Variants in PKNOX2 observed in about 807,000 individuals in gnomAD.
PKNOX2 encodes PBX/knotted 1 homeobox 2.
In PKNOX2, 14 loss-of-function variants were observed where a neutral mutation model predicts 53.1. That is an observed-to-expected ratio of 0.26 (90% CI 0.17 to 0.41). PKNOX2 has a LOEUF of 0.41. Ranked by LOEUF, PKNOX2 falls within the 10% of genes least tolerant of loss-of-function variation. PKNOX2 has a pLI of 1.00. For synonymous variants in PKNOX2, 257 were observed against 242.8 expected (o/e 1.06, Z -0.54); for missense variants, 496 against 602.8 (o/e 0.82, Z 1.85).
intron 10 of PKNOX2, among the ~76,000 whole-genome samples, chr11:125,413,365 C>T (rs1017613735): frequency 3.3e-5 from 5 of 152,310 alleles, no homozygotes; most frequent in East Asian, 1.9e-4. Context: ...TCCTGCCTTT[C>T]AGGTTTTCCA....
chr11:125,288,907 AAC>A (rs1156812111), intron 2 of PKNOX2, among the ~76,000 whole-genome samples: 1 of 152,178 alleles, frequency 6.6e-6, no homozygotes, highest in African/African-American at 2.4e-5. Context: ...TTTGTTGTGA[AAC>A]ACACACACGC....
chr11:125,253,193 A>G (rs1338138627), intron 2 of PKNOX2, among the ~76,000 whole-genome samples: 1 of 152,214 alleles, frequency 6.6e-6, no homozygotes, highest in Non-Finnish European at 1.5e-5. Flanking sequence ...AAATCTTAAT[A>G]AAACTTTTTC....
chr11:125,267,073 C>T (rs963888802), intron 2 of PKNOX2, among the ~76,000 whole-genome samples: 10 of 152,220 alleles, frequency 6.6e-5, no homozygotes, highest in Non-Finnish European at 8.8e-5. Flanking sequence ...TGTCTGTTTC[C>T]GTCACCAGCC....
At chr11:125,344,451 C>G (rs1950868754) in intron 3 of PKNOX2, among the ~76,000 whole-genome samples, 1 of 152,174 alleles carries the variant, frequency 6.6e-6, no homozygotes, top group Non-Finnish European at 1.5e-5. Flanking sequence ...AGCATTCACT[C>G]CATGTGGCAT....
intron 1 of PKNOX2, among the ~76,000 whole-genome samples, chr11:125,233,322 T>C (rs150821887): frequency 6.0e-4 from 92 of 152,328 alleles, no homozygotes; most frequent in African/African-American, 1.9e-3. Flanking sequence ...TACAGCTCCA[T>C]GTAATTTAAT....
rs544094608 is a variant in PKNOX2, at chr11:125,411,339, C to T, written c.817-407C>T. 14 of 351,252 alleles carry T rather than the reference C, an allele frequency of 4.0e-5. No individual in the cohort carries two copies. The East Asian group carries it at 5.7e-4, about 14-fold the overall frequency. The allele number at this position is 351,252 out of a possible 1,614,324, so 21.8% of individuals were successfully genotyped here. ...GGGCTGCTGTGAGAATGAACCACAG[C>T]GATGGATAGGAAAGTGCTTTGCAAA... On this transcript the variant is annotated intron_variant, in intron 9 of 12. Transcript: ENST00000298282.
intron 2 of PKNOX2, among the ~76,000 whole-genome samples, chr11:125,262,649 T>A (rs1944955545): frequency 6.6e-6 from 1 of 151,218 alleles, no homozygotes; most frequent in Admixed American, 6.6e-5. Context: ...CCACAGGCTT[T>A]GTCTGTGCAA....
chr11:125,219,772 G>A (rs534290094), intron 1 of PKNOX2, among the ~76,000 whole-genome samples: 2 of 152,228 alleles, frequency 1.3e-5, no homozygotes, highest in Admixed American at 1.3e-4. Context: ...GCATTCTATT[G>A]GCAAGGCCCT....
chr11:125,221,412 C>T (rs1173697338), intron 1 of PKNOX2, among the ~76,000 whole-genome samples: 1 of 152,114 alleles, frequency 6.6e-6, no homozygotes, highest in Non-Finnish European at 1.5e-5. Flanking sequence ...CACATTTACC[C>T]CCTTTGGTGA....
At chr11:125,254,371 T>A (rs1348431725) in intron 2 of PKNOX2, among the ~76,000 whole-genome samples, 1 of 152,128 alleles carries the variant, frequency 6.6e-6, no homozygotes, top group African/African-American at 2.4e-5. Flanking sequence ...TGGTGCCACC[T>A]CCTCAGCAGC....
At chr11:125,310,934 A>T (rs1018297999) in intron 2 of PKNOX2, among the ~76,000 whole-genome samples, 1 of 151,736 alleles carries the variant, frequency 6.6e-6, no homozygotes, top group African/African-American at 2.4e-5. Flanking sequence ...CTGCCCCGGG[A>T]TATAGCTGCC....
chr11:125,303,478 G>A (rs1948216478), intron 2 of PKNOX2, among the ~76,000 whole-genome samples: 1 of 152,048 alleles, frequency 6.6e-6, no homozygotes, highest in East Asian at 1.9e-4. Flanking sequence ...GGGGTGCAGG[G>A]TGGGTCTGGA....
chr11:125,340,461 G>A (rs1950622156), intron 3 of PKNOX2, among the ~76,000 whole-genome samples: 1 of 152,142 alleles, frequency 6.6e-6, no homozygotes, highest in African/African-American at 2.4e-5. Flanking sequence ...CAGACTGTGT[G>A]TAACATCTGG....
chr11:125,354,287 A>G (rs1049446977), intron 4 of PKNOX2, among the ~76,000 whole-genome samples: 7 of 152,186 alleles, frequency 4.6e-5, no homozygotes, highest in African/African-American at 1.7e-4. Context: ...TGGGCCAGGC[A>G]CACCAGGGAA....
intron 3 of PKNOX2, among the ~76,000 whole-genome samples, chr11:125,341,485 TC>T (rs1169493499): frequency 6.6e-6 from 1 of 152,126 alleles, no homozygotes; most frequent in African/African-American, 2.4e-5. Context: ...CTGCCCCTTC[TC>T]CCCCAGTGAA....
At chr11:125,293,569 A>G (rs1489002090) in intron 2 of PKNOX2, among the ~76,000 whole-genome samples, 2 of 152,212 alleles carry the variant, frequency 1.3e-5, no homozygotes, top group East Asian at 1.9e-4. Context: ...CAGCCTTGCC[A>G]TCTAACCCTC....
At chr11:125,188,935 T>C (rs1565464800) in intron 1 of PKNOX2, among the ~76,000 whole-genome samples, 1 of 151,950 alleles carries the variant, frequency 6.6e-6, no homozygotes, top group East Asian at 1.9e-4. Flanking sequence ...TGCAGAAAAG[T>C]CCTGAGGTTT....
At chr11:125,334,201 T>C (rs1325962039) in intron 3 of PKNOX2, among the ~76,000 whole-genome samples, 1 of 152,176 alleles carries the variant, frequency 6.6e-6, no homozygotes, top group Non-Finnish European at 1.5e-5. Flanking sequence ...TCCTAGCCCA[T>C]CTTCTTCTGA....
Position 125,165,976 on chromosome 11 carries a change from G to T in PKNOX2, c.-201+1200G>T, listed in dbSNP as rs1175117707. 6.6e-6 allele frequency among the ~76,000 whole-genome samples: 1 copy of T among 152,192 alleles called. No individual in the cohort carries two copies. Among genetic ancestry groups the T allele is most frequent in the African/African-American group, 2.4e-5 (1 of 41,460 alleles). On this transcript the variant is annotated intron_variant, in intron 1 of 12. Coordinates refer to ENST00000298282, the MANE Select transcript of PKNOX2 (RefSeq NM_001382323.2). The surrounding 1 kb of genome is among the most constrained non-coding windows in gnomAD (Gnocchi z 4.5). ...CCCGGGGCTCTTCACGGGGGAGCCGGGGGTTTCCGCGCGGTGGGGAGACTC... is the reference window on the plus strand; with the variant it reads ...CCCGGGGCTCTTCACGGGGGAGCCGTGGGTTTCCGCGCGGTGGGGAGACTC...
Sources: allele counts gnomAD v4.1 joint callset (sites outside exome capture counted in the v4.1 genomes callset), GRCh38; gene constraint gnomAD v4.1.1; non-coding constraint Gnocchi (gnomAD v3.1); transcripts MANE v1.5; gene names NCBI Gene and HGNC (gene_info 2026-07-23, HGNC 2026-07-21).